Variants in CSGALNACT1 observed in about 807,000 individuals in gnomAD.
The protein encoded by CSGALNACT1 is chondroitin sulfate N-acetylgalactosaminyltransferase 1, also known as beta4GalNAcT-1.
CSGALNACT1 carries 52 observed loss-of-function variants against 51.0 expected under a neutral mutation model. The ratio of observed to expected loss-of-function variants is 1.02; its 90% confidence interval spans 0.82 to 1.29. The LOEUF (loss-of-function observed/expected upper bound fraction) is 1.29. CSGALNACT1 is among the 50% of genes most tolerant of loss of function. The pLI, the probability that CSGALNACT1 is intolerant of heterozygous loss-of-function variation, is 0.00. For synonymous variants in CSGALNACT1, 341 were observed against 254.4 expected (o/e 1.34, Z -3.24); for missense variants, 935 against 679.2 (o/e 1.38, Z -4.19).
At chr8:19,710,208 C>T (rs565111849) in intron 1 of CSGALNACT1, among the ~76,000 whole-genome samples, 2 of 152,312 alleles carry the variant, frequency 1.3e-5, no homozygotes, top group African/African-American at 2.4e-5. Flanking sequence ...TTTTCTCTGT[C>T]ATTCCATAAA....
chr8:19,432,772 G>T lies in CSGALNACT1; in HGVS notation c.953+7058C>A, dbSNP rs149601334. Reference sequence around the variant, plus strand: ...GTTTTCAACACTACAATTTCTATTTGGTTCTTTTAAATAGTTTCTACTTCC... The same window carrying T: ...GTTTTCAACACTACAATTTCTATTTTGTTCTTTTAAATAGTTTCTACTTCC... On this transcript the variant is annotated intron_variant, in intron 6 of 9. Transcript: ENST00000454498. 2.1e-4 allele frequency among the ~76,000 whole-genome samples: 32 copies of T among 151,772 alleles called. No individual in the cohort carries two copies. The East Asian group carries it at 6.0e-3, about 29-fold the overall frequency.
intron 1 of CSGALNACT1, among the ~76,000 whole-genome samples, chr8:19,744,664 A>G (rs1038175338): frequency 2.6e-5 from 4 of 152,228 alleles, no homozygotes; most frequent in African/African-American, 9.6e-5. Flanking sequence ...GAAAATTATA[A>G]TAAAAGAGAT....
intron 5 of CSGALNACT1, among the ~76,000 whole-genome samples, chr8:19,448,233 A>G (rs2062477495): frequency 1.3e-5 from 2 of 152,202 alleles, no homozygotes; most frequent in Non-Finnish European, 2.9e-5. Context: ...TATAACTCAT[A>G]TTATGTGGTC....
At chr8:19,636,642 A>C (rs17480734) in intron 1 of CSGALNACT1, among the ~76,000 whole-genome samples, 18,026 of 152,218 alleles carry the variant, frequency 0.12, 1,162 homozygotes, top group South Asian at 0.19. Flanking sequence ...TCACACCAGT[A>C]AAACTACCCT....
At chr8:19,445,455 A>T (rs192130206) in intron 5 of CSGALNACT1, among the ~76,000 whole-genome samples, 1 of 152,336 alleles carries the variant, frequency 6.6e-6, no homozygotes, top group Admixed American at 6.5e-5. Flanking sequence ...TTAAGCAATA[A>T]GACAGATGCT....
At chr8:19,591,988 C>T (rs1204761919) in intron 2 of CSGALNACT1, among the ~76,000 whole-genome samples, 10 of 151,974 alleles carry the variant, frequency 6.6e-5, no homozygotes, top group Non-Finnish European at 1.5e-4. Context: ...ATGTAGAATT[C>T]CTGTTCAGCA....
chr8:19,449,455 C>T (rs894709628), intron 5 of CSGALNACT1, among the ~76,000 whole-genome samples: 2 of 152,130 alleles, frequency 1.3e-5, no homozygotes, highest in Non-Finnish European at 2.9e-5. Context: ...TATCATGATC[C>T]AACATTTGCT....
chr8:19,585,737 A>G (rs773871860), intron 3 of CSGALNACT1, among the ~76,000 whole-genome samples: 1 of 152,208 alleles, frequency 6.6e-6, no homozygotes, highest in Non-Finnish European at 1.5e-5. Flanking sequence ...AGAAGAACCC[A>G]TACAAAGAAC....
At chr8:19,488,209 G>A (rs976494011) in intron 4 of CSGALNACT1, among the ~76,000 whole-genome samples, 1 of 151,938 alleles carries the variant, frequency 6.6e-6, no homozygotes, top group South Asian at 2.1e-4. Flanking sequence ...AATTAGGCAG[G>A]TGTGGTGGTG....
At chr8:19,682,618 C>T, upstream of CSGALNACT1, 1 of 453,982 alleles carries the variant, frequency 2.2e-6, no homozygotes, top group South Asian at 1.6e-5. Context: ...CTTCAGAGCC[C>T]AAAGATTGTG....
At chr8:19,426,624 A>T (rs1346607599) in intron 6 of CSGALNACT1, among the ~76,000 whole-genome samples, 6 of 152,142 alleles carry the variant, frequency 3.9e-5, no homozygotes, top group Non-Finnish European at 8.8e-5. Context: ...CTTGAATTGT[A>T]TTATCAACTG....
intron 3 of CSGALNACT1, among the ~76,000 whole-genome samples, chr8:19,561,541 T>G (rs186776955): frequency 6.6e-6 from 1 of 152,160 alleles, no homozygotes; most frequent in African/African-American, 2.4e-5. Context: ...AAAATTCAAA[T>G]CTAACTGTGG....
At chr8:19,638,331 C>T (rs532175221) in intron 1 of CSGALNACT1, among the ~76,000 whole-genome samples, 111 of 152,278 alleles carry the variant, frequency 7.3e-4, no homozygotes, top group African/African-American at 2.6e-3. Flanking sequence ...CAGACAAGCC[C>T]ACCCAGAAGG....
intron 8 of CSGALNACT1, among the ~76,000 whole-genome samples, chr8:19,414,860 T>C (rs2056562753): frequency 6.6e-6 from 1 of 152,228 alleles, no homozygotes; most frequent in South Asian, 2.1e-4. Context: ...GTAATTAATA[T>C]ATAGGTACCA....
chr8:19,432,484 A>T (rs537044464), intron 6 of CSGALNACT1, among the ~76,000 whole-genome samples: 1 of 152,272 alleles, frequency 6.6e-6, no homozygotes, highest in East Asian at 1.9e-4. Flanking sequence ...AAATTTGAGA[A>T]ATTTTTAGCC....
At chr8:19,580,290 TA>T (rs2045279884) in intron 3 of CSGALNACT1, among the ~76,000 whole-genome samples, 1 of 152,126 alleles carries the variant, frequency 6.6e-6, no homozygotes, top group Non-Finnish European at 1.5e-5. Flanking sequence ...CTGTGAGTTG[TA>T]AAAGGAGGAG....
chr8:19,717,930 A>C (rs1001277202), intron 1 of CSGALNACT1, among the ~76,000 whole-genome samples: 1 of 152,136 alleles, frequency 6.6e-6, no homozygotes, highest in Non-Finnish European at 1.5e-5. Context: ...GCTCAGAGGC[A>C]GGCACCAAGG....
exon 10 of CSGALNACT1, chr8:19,404,193 C>A: frequency 2.7e-6 from 1 of 375,078 alleles, no homozygotes; most frequent in South Asian, 2.1e-5. Context: ...ATTAGCTGTG[C>A]AATACCACCT....
At chr8:19,405,476 CA>C (rs1563235568) in exon 10 of CSGALNACT1, 1 of 547,408 alleles carries the variant, frequency 1.8e-6, no homozygotes, top group Non-Finnish European at 3.5e-6. Flanking sequence ...GCACACAAAA[CA>C]ACAGGTCTCA....
Sources: allele counts gnomAD v4.1 joint callset (sites outside exome capture counted in the v4.1 genomes callset), GRCh38; gene constraint gnomAD v4.1.1; transcripts MANE v1.5; gene names NCBI Gene and HGNC (gene_info 2026-07-23, HGNC 2026-07-21).